Variants in FBXL17 observed in about 807,000 individuals in gnomAD.
FBXL17 encodes the protein F-box and leucine rich repeat protein 17, also known as F-box/LRR-repeat protein 17.
A neutral mutation model predicts 66.2 loss-of-function variants in FBXL17; 22 were observed. That is an observed-to-expected ratio of 0.33 (90% confidence interval 0.24 to 0.47). The LOEUF (loss-of-function observed/expected upper bound fraction) is 0.47, where lower values mean the gene tolerates loss of function less well. Ranked by LOEUF, FBXL17 falls within the 20% of genes least tolerant of loss-of-function variation. The probability of loss-of-function intolerance (pLI) is 1.00; values close to 1 mark genes in which losing one functional copy is unlikely to be tolerated. For missense variants in FBXL17, 878 were observed against 948.2 expected (o/e 0.93, Z 0.97); for synonymous variants, 474 against 400.5 (o/e 1.18, Z -2.19).
At chr5:107,898,326 T>A (rs898739537) in intron 7 of FBXL17, among the ~76,000 whole-genome samples, 3 of 151,986 alleles carry the variant, frequency 2.0e-5, no homozygotes, top group Non-Finnish European at 2.9e-5. Context: ...CTCTCCTGCC[T>A]CCTCTTACCT....
chr5:108,108,556 C>A (rs964883690), intron 6 of FBXL17, among the ~76,000 whole-genome samples: 1 of 152,064 alleles, frequency 6.6e-6, no homozygotes, highest in East Asian at 1.9e-4. Context: ...TAGGATAGAT[C>A]TATATATTTA....
intron 7 of FBXL17, among the ~76,000 whole-genome samples, chr5:107,980,665 T>TATATGTATATATATATATGTATA (rs1363335386): frequency 1.3e-5 from 1 of 79,180 alleles, no homozygotes; most frequent in African/African-American, 9.0e-5. Context: ...TATATATATA[T>TATATGTATATATATATATGTATA]TTTTTTTTTG....
chr5:107,885,560 C>T (rs1748938615), intron 7 of FBXL17, among the ~76,000 whole-genome samples: 1 of 152,144 alleles, frequency 6.6e-6, no homozygotes, highest in African/African-American at 2.4e-5. Flanking sequence ...AACCACACAA[C>T]TGAATAATAC....
At chr5:108,369,585 C>T (rs1339895985) in intron 1 of FBXL17, among the ~76,000 whole-genome samples, 2 of 151,676 alleles carry the variant, frequency 1.3e-5, no homozygotes, top group Non-Finnish European at 2.9e-5. Flanking sequence ...TATTCCATGT[C>T]AAAACACCAT....
In FBXL17 at chr5:108,381,860, A is replaced by T; in HGVS notation, c.-169T>A. 2 of 1,292,992 alleles carry T rather than the reference A, an allele frequency of 1.5e-6. No homozygotes were observed. The highest frequency in any genetic ancestry group is 2.0e-6 in the Non-Finnish European group (2 of 1,020,740). The allele number at this position is 1,292,992 out of a possible 1,614,324, so 80.1% of individuals were successfully genotyped here. A position where few individuals can be genotyped will look rare whatever the true frequency, so the allele number is the denominator to read the frequency against. The stretch of plus-strand genomic sequence containing the variant: ...CACGCGACGGTGGGGGGTGGGCGTC[A>T]GCTGCGGGCCGCCGGAGTGCCCGAC... On this transcript the variant is annotated 5_prime_UTR_variant, in exon 1 of 9. Transcript: ENST00000542267.
At chr5:107,881,248 T>A in intron 7 of FBXL17, 69 bp from the exon 8 acceptor site, 1 of 844,348 alleles carries the variant, frequency 1.2e-6, no homozygotes, top group Non-Finnish European at 1.8e-6. Context: ...ATTATGACTA[T>A]TCATCTCATT....
chr5:108,154,297 A>AT (rs1285923760), intron 6 of FBXL17, among the ~76,000 whole-genome samples: 2 of 151,324 alleles, frequency 1.3e-5, no homozygotes, highest in Non-Finnish European at 2.9e-5. Context: ...GAAAAAAAAA[A>AT]AAAAAAAAAA....
At chr5:107,882,859 AT>A (rs1201725096) in intron 7 of FBXL17, among the ~76,000 whole-genome samples, 3 of 152,172 alleles carry the variant, frequency 2.0e-5, no homozygotes, top group Non-Finnish European at 2.9e-5. Context: ...AGGTTGGTAG[AT>A]TTTGTGCAGT....
intron 6 of FBXL17, among the ~76,000 whole-genome samples, chr5:108,113,747 C>A (rs1196560910): frequency 1.3e-5 from 2 of 152,026 alleles, no homozygotes; most frequent in Non-Finnish European, 2.9e-5. Context: ...TTTTAAAATT[C>A]TCTTTTCTTG....
At chr5:108,276,591 T>A (rs1171700510) in intron 4 of FBXL17, among the ~76,000 whole-genome samples, 1 of 152,114 alleles carries the variant, frequency 6.6e-6, no homozygotes, top group East Asian at 1.9e-4. Flanking sequence ...ACAAGCTACC[T>A]AGCAGTAAAA....
At chr5:108,018,476 AAGATG>A (rs1280875110) in intron 7 of FBXL17, among the ~76,000 whole-genome samples, 3 of 152,100 alleles carry the variant, frequency 2.0e-5, no homozygotes, top group Non-Finnish European at 4.4e-5. Flanking sequence ...AGTGGGTGAA[AAGATG>A]AGATGAGCTT....
At chr5:108,145,160 T>C (rs1482925551) in intron 6 of FBXL17, among the ~76,000 whole-genome samples, 1 of 152,148 alleles carries the variant, frequency 6.6e-6, no homozygotes, top group African/African-American at 2.4e-5. Flanking sequence ...CACTTGCCAA[T>C]GATGGATTGA....
intron 4 of FBXL17, among the ~76,000 whole-genome samples, chr5:108,323,425 C>T (rs901879780): frequency 6.6e-6 from 1 of 151,600 alleles, no homozygotes; most frequent in South Asian, 2.1e-4. Flanking sequence ...CTGAAAATTA[C>T]AAAATATCAC....
intron 2 of FBXL17, among the ~76,000 whole-genome samples, chr5:108,367,263 T>G (rs1748725078): frequency 6.6e-6 from 1 of 152,064 alleles, no homozygotes; most frequent in Non-Finnish European, 1.5e-5. Context: ...TTTTCCTAAT[T>G]TATGCCCCTA....
chr5:107,932,109 GGT>G (rs1750756127), intron 7 of FBXL17, among the ~76,000 whole-genome samples: 2 of 152,078 alleles, frequency 1.3e-5, no homozygotes, highest in East Asian at 3.9e-4. Context: ...GAAAGACACT[GGT>G]CTAGACTCTC....
At chr5:108,374,847 C>T (rs1749309792) in intron 1 of FBXL17, among the ~76,000 whole-genome samples, 1 of 151,994 alleles carries the variant, frequency 6.6e-6, no homozygotes, top group East Asian at 1.9e-4. Flanking sequence ...AAAACAAACA[C>T]ATATAGCAAA....
At chr5:108,214,441 C>T (rs1011335573) in intron 5 of FBXL17, among the ~76,000 whole-genome samples, 1 of 150,186 alleles carries the variant, frequency 6.7e-6, no homozygotes, top group Admixed American at 6.7e-5. Flanking sequence ...AATCTTGGCT[C>T]ACTGCAACCT....
chr5:108,222,944 G>A (rs1450715186), intron 5 of FBXL17, among the ~76,000 whole-genome samples: 1 of 151,998 alleles, frequency 6.6e-6, no homozygotes, highest in Non-Finnish European at 1.5e-5. Context: ...AAAGTGCTGG[G>A]ATTACAGGAG....
chr5:108,132,219 G>A (rs144432271), intron 6 of FBXL17, among the ~76,000 whole-genome samples: 2,700 of 152,144 alleles, frequency 0.018, 84 homozygotes, highest in African/African-American at 0.061. Flanking sequence ...CAGGTAATCC[G>A]CCCGCATCAG....
Sources: gnomAD v4.1 joint callset for allele counts (sites outside exome capture counted in the v4.1 genomes callset) on GRCh38, gnomAD v4.1.1 for gene constraint, MANE v1.5 for transcripts, NCBI Gene and HGNC (gene_info 2026-07-23, HGNC 2026-07-21) for gene names.